RGS9: variants seen among roughly 807,000 people sequenced by gnomAD.
The protein encoded by RGS9 is regulator of G protein signaling 9.
A neutral mutation model predicts 102.0 loss-of-function variants in RGS9; 78 were observed. That is an observed-to-expected ratio of 0.76 (90% CI 0.64 to 0.92). The LOEUF is 0.92. Among genes scored for constraint, RGS9 ranks in the 40% least tolerant of loss-of-function variants. The pLI, the probability that RGS9 is intolerant of heterozygous loss-of-function variation, is 0.00. For synonymous variants in RGS9, 353 were observed against 318.6 expected (o/e 1.11, Z -1.15); for missense variants, 833 against 866.1 (o/e 0.96, Z 0.48).
In RGS9 at chr17:65,174,432, C is replaced by T. The variant is rs138925572; in HGVS notation, c.583-3300C>T. 9.2e-4 allele frequency among the ~76,000 whole-genome samples: 139 copies of T among 151,186 alleles called. No homozygotes were observed. In the East Asian group the frequency reaches 0.025, roughly 28 times the overall value. ...GAGTGAGTGTGTGAATGTATGTGTG[C>T]GAGTGTGTGTACATGTGTGCATGTG... is the stretch of plus-strand genomic sequence containing the variant. On this transcript the variant is annotated intron_variant, in intron 8 of 18. Coordinates refer to ENST00000262406, the MANE Select transcript of RGS9 (RefSeq NM_003835.4).
intron 1 of RGS9, among the ~76,000 whole-genome samples, chr17:65,145,491 C>T (rs1298775313): frequency 2.6e-5 from 4 of 151,656 alleles, no homozygotes; most frequent in Non-Finnish European, 4.4e-5. Context: ...CGGGTTCAAG[C>T]GATTCTCCTG....
chr17:65,204,408 G>A (rs754301505), intron 15 of RGS9, 107 bp downstream of exon 15: 4 of 1,372,780 alleles, frequency 2.9e-6, no homozygotes, highest in East Asian at 2.5e-5. Context: ...CGTGGATAGA[G>A]CTTTGCCGGT....
At position 65,168,244 on chromosome 17, in the gene RGS9, G is replaced by A. The variant is rs1300650149; in HGVS notation, c.545G>A (p.Cys182Tyr). The A allele has an allele frequency of 6.2e-7, 1 of 1,611,534 alleles. No individual in the cohort carries two copies. Among genetic ancestry groups the A allele is most frequent in the Admixed American group, 1.7e-5 (1 of 59,796 alleles). Reference protein sequence around the residue: ...RNKADRYALDCQEKAYWLVHR... With the variant: ...RNKADRYALDYQEKAYWLVHR... ...AAAGCAGACAGATATGCCCTGGACT[G>A]CCAGGAGAAGGCATACTGGCTGGTG... The change falls in exon 8 of 19, where the codon TGC (cysteine) becomes TAC (tyrosine). Residue 182 changes from cysteine (C) to tyrosine (Y), a missense_variant. This residue lies in a region of RGS9 where 328 missense variants were observed against 340.6 expected (regional missense o/e 0.96). Coordinates refer to ENST00000262406, the MANE Select transcript of RGS9 (RefSeq NM_003835.4).
intron 9 of RGS9, among the ~76,000 whole-genome samples, chr17:65,182,681 C>T (rs183314097): frequency 8.5e-5 from 13 of 152,318 alleles, no homozygotes; most frequent in African/African-American, 3.1e-4. Context: ...CAAGGTGACC[C>T]AGCCAGGATT....
intron 2 of RGS9, among the ~76,000 whole-genome samples, chr17:65,154,232 G>A (rs1359327703): frequency 2.0e-5 from 3 of 152,078 alleles, no homozygotes; most frequent in East Asian, 1.9e-4. Context: ...ACTTGAACCC[G>A]GGAGGCGGAG....
chr17:65,156,944 GA>G (rs1326361294), intron 2 of RGS9, among the ~76,000 whole-genome samples: 1 of 152,210 alleles, frequency 6.6e-6, no homozygotes, highest in Non-Finnish European at 1.5e-5. Flanking sequence ...CACTGACAGA[GA>G]TCATGGCTGG....
chr17:65,215,746 A>G (rs1357385606), intron 17 of RGS9, among the ~76,000 whole-genome samples: 1 of 150,990 alleles, frequency 6.6e-6, no homozygotes, highest in African/African-American at 2.5e-5. Context: ...TTTTCAGTAG[A>G]GACAGGGTTT....
At chr17:65,158,065 T>G (rs74687042) in intron 2 of RGS9, among the ~76,000 whole-genome samples, 5,236 of 151,866 alleles carry the variant, frequency 0.034, 299 homozygotes, top group African/African-American at 0.12. Flanking sequence ...GGGCTGGGGG[T>G]GCGTGCGGTG....
intron 17 of RGS9, among the ~76,000 whole-genome samples, chr17:65,216,644 C>T (rs1486396700): frequency 1.3e-5 from 2 of 152,288 alleles, no homozygotes; most frequent in Non-Finnish European, 2.9e-5. Context: ...TGAAGTCAAG[C>T]ATTCAAGTCC....
At chr17:65,192,816 T>C (rs938959368) in intron 11 of RGS9, among the ~76,000 whole-genome samples, 4 of 152,224 alleles carry the variant, frequency 2.6e-5, no homozygotes, top group Admixed American at 2.6e-4. Flanking sequence ...GGCATTATCC[T>C]GAGAAAGGGT....
At chr17:65,215,280 GA>G (rs1180156103) in intron 17 of RGS9, among the ~76,000 whole-genome samples, 1 of 152,118 alleles carries the variant, frequency 6.6e-6, no homozygotes, top group African/African-American at 2.4e-5. Flanking sequence ...TGTGGGGGAA[GA>G]AATTAAAGAA....
intron 6 of RGS9, 48 bp downstream of exon 6, chr17:65,160,957 A>G: frequency 2.0e-6 from 3 of 1,473,122 alleles, no homozygotes; most frequent in South Asian, 1.1e-5. Flanking sequence ...AGTGGAAGAT[A>G]GTTTTGAGCT....
intron 17 of RGS9, 59 bp from the exon 18 acceptor site, chr17:65,224,943 G>A: frequency 6.2e-7 from 1 of 1,605,852 alleles, no homozygotes; most frequent in Non-Finnish European, 8.5e-7. Context: ...CAGCCCAGGG[G>A]CCCTGCTGGC....
intron 9 of RGS9, among the ~76,000 whole-genome samples, chr17:65,183,183 C>T (rs754386591): frequency 9.2e-5 from 14 of 152,084 alleles, no homozygotes; most frequent in Non-Finnish European, 1.6e-4. Flanking sequence ...AGTGCAGTGG[C>T]ACAATCTCGG....
intron 8 of RGS9, among the ~76,000 whole-genome samples, chr17:65,168,545 C>CTTTT (rs5821624): frequency 1.1e-3 from 97 of 85,230 alleles, no homozygotes; most frequent in Non-Finnish European, 1.8e-3. Context: ...AGGGCTGGGA[C>CTTTT]TTTTTTTTTT....
At chr17:65,186,639 A>G (rs1350007807) in intron 9 of RGS9, among the ~76,000 whole-genome samples, 1 of 152,224 alleles carries the variant, frequency 6.6e-6, no homozygotes, top group African/African-American at 2.4e-5. Flanking sequence ...TGTGTTTCTC[A>G]ACAATCGCTC....
chr17:65,198,318 T>C (rs1912676101), intron 13 of RGS9, among the ~76,000 whole-genome samples: 1 of 151,902 alleles, frequency 6.6e-6, no homozygotes, highest in South Asian at 2.1e-4. Context: ...TGCAGTGGCA[T>C]GATCTCAGCT....
chr17:65,168,164 T>A (rs904999216), intron 7 of RGS9, 36 bp from the exon 8 acceptor site: 1 of 1,465,608 alleles, frequency 6.8e-7, no homozygotes, highest in Non-Finnish European at 9.5e-7. Context: ...AGACACAAAG[T>A]CTTCCTGGCC....
chr17:65,178,244 C>T (rs78699737), intron 9 of RGS9, among the ~76,000 whole-genome samples: 4,251 of 152,238 alleles, frequency 0.028, 196 homozygotes, highest in African/African-American at 0.096. Context: ...TAACCTTAAT[C>T]CACATGACAG....
Sources: gnomAD v4.1 joint callset for allele counts (sites outside exome capture counted in the v4.1 genomes callset) on GRCh38, gnomAD v4.1.1 for gene constraint, gnomAD v4.1.1 regional missense constraint, MANE v1.5 for transcripts, NCBI Gene and HGNC (gene_info 2026-07-23, HGNC 2026-07-21) for gene names.